Variants in RNF180 observed in about 807,000 individuals in gnomAD.
RNF180 encodes E3 ubiquitin-protein ligase RNF180.
A neutral mutation model predicts 59.2 loss-of-function variants in RNF180; 38 were observed. That is an observed-to-expected ratio of 0.64 (90% CI 0.50 to 0.84). RNF180 has a LOEUF of 0.84. Ranked by LOEUF, RNF180 falls within the 40% of genes least tolerant of loss-of-function variation. The probability of loss-of-function intolerance (pLI) is 0.00; values close to 1 mark genes in which losing one functional copy is unlikely to be tolerated. For missense variants in RNF180, 705 were observed against 700.9 expected, an observed-to-expected ratio of 1.01 and a Z score of -0.07; for synonymous variants, 262 against 240.3, an observed-to-expected ratio of 1.09 and a Z score of -0.84.
At chr5:64,347,760 G>A (rs189519068) in intron 7 of RNF180, among the ~76,000 whole-genome samples, 2 of 152,258 alleles carry the variant, frequency 1.3e-5, no homozygotes, top group African/African-American at 2.4e-5. Context: ...CAGTTTAGAA[G>A]TTGAAATCTT....
In RNF180 at chr5:64,213,557, G is replaced by C; in HGVS notation, c.232-1G>C. On this transcript the variant is annotated splice_acceptor_variant, in intron 3 of 7. Coordinates refer to ENST00000389100, the MANE Select transcript of RNF180 (RefSeq NM_001113561.2). LOFTEE classifies it high-confidence loss of function. ...TCTTTATTCTTCTTTATTACCTGTA[G>C]GCCCAGTGGACAGTTGGAAAACTGA... 6.2e-7 allele frequency: 1 copy of C among 1,608,192 alleles called. No individual in the cohort carries two copies. The highest frequency in any genetic ancestry group is 8.5e-7 in the Non-Finnish European group (1 of 1,176,192).
rs146150436 is a variant in RNF180 at position 64,219,995 on chromosome 5, C to G, written c.1227+2599C>G. On this transcript the variant is annotated intron_variant, in intron 5 of 7. Transcript: ENST00000389100. ...TTTGATGTTGTTTTTGAAGAATTAT[C>G]TAAGTTGTCAAAATTACATGTTTAA... Among the ~76,000 whole-genome samples, 519 of 152,182 alleles carry G rather than the reference C, an allele frequency of 3.4e-3. 3 individuals are homozygous for G. Among genetic ancestry groups the G allele is most frequent in the African/African-American group, 0.011 (471 of 41,524 alleles).
intron 5 of RNF180, among the ~76,000 whole-genome samples, chr5:64,230,617 C>T (rs1742042162): frequency 6.6e-6 from 1 of 152,198 alleles, no homozygotes; most frequent in Admixed American, 6.5e-5. Context: ...AGTTAGCAGC[C>T]TTAATTCCAT....
At chr5:64,245,808 A>G (rs536218488) in intron 5 of RNF180, among the ~76,000 whole-genome samples, 37 of 152,310 alleles carry the variant, frequency 2.4e-4, no homozygotes, top group African/African-American at 8.4e-4. Flanking sequence ...GATCAACAGA[A>G]TATACATTCT....
At position 64,265,990 on chromosome 5, in the gene RNF180, T is replaced by C. The variant is rs985114189; in HGVS notation, c.1227+48594T>C. On this transcript the variant is annotated intron_variant, in intron 5 of 7. Coordinates refer to ENST00000389100, the MANE Select transcript of RNF180 (RefSeq NM_001113561.2). ...TTATCCTCTTAGTAGCAATTGTGAA[T>C]AGGAGTTCACTCATGATTTGGCTCA... Among the ~76,000 whole-genome samples the C allele has an allele frequency of 2.0e-5, 3 of 152,306 alleles. No homozygotes were observed. In the East Asian group the frequency reaches 5.8e-4, roughly 29 times the overall value.
chr5:64,212,920 G>A (rs1752384188), intron 3 of RNF180, among the ~76,000 whole-genome samples: 1 of 152,202 alleles, frequency 6.6e-6, no homozygotes, highest in South Asian at 2.1e-4. Flanking sequence ...CTAGGAGAAT[G>A]CCAGTGCACT....
At chr5:64,232,355 T>C (rs1017780740) in intron 5 of RNF180, among the ~76,000 whole-genome samples, 1 of 152,112 alleles carries the variant, frequency 6.6e-6, no homozygotes, top group Non-Finnish European at 1.5e-5. Flanking sequence ...GCAGACATTG[T>C]AAGTGTTATA....
At chr5:64,206,621 TA>T (rs1752029881) in intron 2 of RNF180, among the ~76,000 whole-genome samples, 1 of 152,358 alleles carries the variant, frequency 6.6e-6, no homozygotes, top group South Asian at 2.1e-4. Context: ...TAGCACATGC[TA>T]TGCTATGGAC....
Position 64,277,194 on chromosome 5 carries a change from G to GAAA in RNF180, c.1228-47981_1228-47979dup, listed in dbSNP as rs35030133. Among the ~76,000 whole-genome samples the GAAA allele has an allele frequency of 6.2e-4, 84 of 134,554 alleles. 2 individuals are homozygous for GAAA. In the South Asian group the frequency reaches 0.02, roughly 32 times the overall value. 88.3% of individuals were successfully genotyped at this position (134,554 alleles called of 152,430 possible). ...GGGTGGTCTTAAAAAAAAAAAAGGG[G>GAAA]AAAAAAAAAAAAAGAGACCGCAGAG... is the stretch of plus-strand genomic sequence containing the variant. On this transcript the variant is annotated intron_variant, in intron 5 of 7. Coordinates refer to ENST00000389100, the MANE Select transcript of RNF180 (RefSeq NM_001113561.2).
chr5:64,287,770 A>AT (rs528873517), intron 5 of RNF180, among the ~76,000 whole-genome samples: 104 of 151,530 alleles, frequency 6.9e-4, no homozygotes, highest in African/African-American at 2.4e-3. Context: ...TGATGGTACT[A>AT]TTTTTTTCTT....
At chr5:64,174,143 C>T (rs1750102362) in intron 1 of RNF180, among the ~76,000 whole-genome samples, 1 of 152,108 alleles carries the variant, frequency 6.6e-6, no homozygotes. Flanking sequence ...GACTTCATCC[C>T]TTTTTTTGGC....
intron 5 of RNF180, among the ~76,000 whole-genome samples, chr5:64,307,017 A>C (rs1743505840): frequency 6.6e-6 from 1 of 151,292 alleles, no homozygotes; most frequent in Non-Finnish European, 1.5e-5. Flanking sequence ...AAAAAAAAAG[A>C]TGTGACCATA....
chr5:64,285,476 T>A (rs1260499534), intron 5 of RNF180, among the ~76,000 whole-genome samples: 3 of 150,652 alleles, frequency 2.0e-5, no homozygotes, highest in Non-Finnish European at 4.5e-5. Flanking sequence ...GGCAAGTGCA[T>A]GCCAGCAAAG....
At chr5:64,352,327 A>AT (rs1329766596) in intron 7 of RNF180, among the ~76,000 whole-genome samples, 1 of 151,786 alleles carries the variant, frequency 6.6e-6, no homozygotes, top group Non-Finnish European at 1.5e-5. Context: ...CAGTCTATCA[A>AT]TTTTGTTGAT....
chr5:64,210,355 T>G (rs910990778), intron 2 of RNF180, among the ~76,000 whole-genome samples: 1 of 152,152 alleles, frequency 6.6e-6, no homozygotes, highest in African/African-American at 2.4e-5. Flanking sequence ...ACCAGAGTGT[T>G]GATACTCTCT....
chr5:64,354,858 G>A (rs188586025), intron 7 of RNF180, among the ~76,000 whole-genome samples: 24 of 151,848 alleles, frequency 1.6e-4, no homozygotes, highest in African/African-American at 3.4e-4. Context: ...AAAAGCATTC[G>A]ACAAAATCTA....
intron 5 of RNF180, among the ~76,000 whole-genome samples, chr5:64,301,692 C>A (rs1288311487): frequency 7.1e-6 from 1 of 140,354 alleles, no homozygotes; most frequent in Non-Finnish European, 1.5e-5. Flanking sequence ...TGTTGTATGC[C>A]ACATCAGAAT....
chr5:64,179,092 A>G (rs1317620258), intron 1 of RNF180, among the ~76,000 whole-genome samples: 1 of 152,190 alleles, frequency 6.6e-6, no homozygotes, highest in Non-Finnish European at 1.5e-5. Flanking sequence ...GCTTAAATGG[A>G]AATCGAATGC....
At chr5:64,291,673 C>T (rs553110716) in intron 5 of RNF180, among the ~76,000 whole-genome samples, 7 of 151,986 alleles carry the variant, frequency 4.6e-5, no homozygotes, top group South Asian at 2.1e-4. Flanking sequence ...ATGATCCACC[C>T]GCCTCGGCCT....
Sources: allele counts gnomAD v4.1 joint callset (sites outside exome capture counted in the v4.1 genomes callset), GRCh38; gene constraint gnomAD v4.1.1; transcripts MANE v1.5; gene names NCBI Gene and HGNC (gene_info 2026-07-23, HGNC 2026-07-21).